The following TECPR2 variants were observed in gnomAD, a reference collection of about 807,000 sequenced individuals.
TECPR2 encodes tectonin beta-propeller repeat containing 2, also known as tectonin beta-propeller repeat-containing protein 2.
A neutral mutation model predicts 138.1 loss-of-function variants in TECPR2; 65 were observed. The observed-to-expected ratio is 0.47, with a 90% CI of 0.39 to 0.58. The LOEUF (loss-of-function observed/expected upper bound fraction) is 0.58, where lower values mean the gene tolerates loss of function less well. Ranked by LOEUF, TECPR2 falls within the 20% of genes least tolerant of loss-of-function variation. The probability of loss-of-function intolerance (pLI) is 0.00; values close to 1 mark genes in which losing one functional copy is unlikely to be tolerated. For synonymous variants in TECPR2, 746 were observed against 749.8 expected, an observed-to-expected ratio of 0.99 and a Z score of 0.08; for missense variants, 1,553 against 1,824.5, an observed-to-expected ratio of 0.85 and a Z score of 2.71.
In TECPR2 at chr14:102,435,073, C is replaced by T. The variant is rs746712279; in HGVS notation, c.2256C>T (p.Ser752=). Residue 752 remains serine (S), a synonymous_variant, in exon 9 of 20, where the codon AGC becomes AGT. Transcript: ENST00000359520. ...CACGGGATCAGACATTGACGTCCAG[C>T]GATGAGGAGGACATCTATGCCCACG... ...QPPRDQTLTS[S]DEEDIYAHGL... 1.5e-5 allele frequency: 24 copies of T among 1,613,978 alleles called. No homozygotes were observed. The highest frequency in any genetic ancestry group is 6.7e-5 in the East Asian group (3 of 44,876).
chr14:102,463,787 G>A (rs1890477566), intron 16 of TECPR2, among the ~76,000 whole-genome samples: 1 of 151,758 alleles, frequency 6.6e-6, no homozygotes, highest in Non-Finnish European at 1.5e-5. Context: ...AGCTGGGCGT[G>A]GTGGCACGCG....
chr14:102,439,451 A>C (rs1889771447), intron 10 of TECPR2, among the ~76,000 whole-genome samples: 1 of 152,084 alleles, frequency 6.6e-6, no homozygotes, highest in Non-Finnish European at 1.5e-5. Context: ...ATTTTTCTTT[A>C]GAGACTGGCT....
At chr14:102,476,375 A>G (rs1024455548) in intron 17 of TECPR2, among the ~76,000 whole-genome samples, 4 of 142,594 alleles carry the variant, frequency 2.8e-5, no homozygotes, top group Non-Finnish European at 4.6e-5. Flanking sequence ...CTAAAAAAAA[A>G]AAAAAACAAC....
chr14:102,443,940 C>T lies in TECPR2; in HGVS notation c.2933+113C>T, dbSNP rs1258766492. 4 of 1,047,182 alleles carry T rather than the reference C, an allele frequency of 3.8e-6. No individual in the cohort carries two copies. Among genetic ancestry groups the T allele is most frequent in the African/African-American group, 1.6e-5 (1 of 62,726 alleles). 64.9% of individuals were successfully genotyped at this position (1,047,182 alleles called of 1,614,324 possible). A position where few individuals can be genotyped will look rare whatever the true frequency, so the allele number is the denominator to read the frequency against. ...GTTCCTGGGAGGCAGCACCTGCAGCCTCCATGGCTATAGGCTAAGCTTGAA... is the reference window on the plus strand; with the variant it reads ...GTTCCTGGGAGGCAGCACCTGCAGCTTCCATGGCTATAGGCTAAGCTTGAA... On this transcript the variant is annotated intron_variant, in intron 12 of 19. Transcript: ENST00000359520. This position sits in a 1 kb window ranked among gnomAD's most constrained non-coding sequence, Gnocchi z 4.9.
In TECPR2 at chr14:102,362,946, T is replaced by C. The variant is rs1412364538; in HGVS notation, c.-243T>C. ...CGTCCGCCCCGCCCGCTGCCACTTG[T>C]GGCTCTGCCGCTCTAGCCCCCGGCG... is the stretch of plus-strand genomic sequence containing the variant. On this transcript the variant is annotated 5_prime_UTR_variant, in exon 1 of 20. Coordinates refer to ENST00000359520, the MANE Select transcript of TECPR2 (RefSeq NM_014844.5). 4.6e-6 allele frequency: 7 copies of C among 1,512,934 alleles called. No homozygotes were observed. The highest frequency in any genetic ancestry group is 3.5e-5 in the South Asian group (3 of 85,662). The allele number at this position is 1,512,934 out of a possible 1,614,324, so 93.7% of individuals were successfully genotyped here.
Position 102,431,870 on chromosome 14 carries a change from A to ACAGTTT in TECPR2, c.1161_1166dup (p.Val388_Ser389dup). On this transcript the variant is annotated inframe_insertion, in exon 8 of 20. Transcript: ENST00000359520. ...GCAAGCGGAGAAGCTGCCAGGGGCC[A>ACAGTTT]CAGTTTCTGAGACGAGGCTCAGAGG... 6.2e-7 allele frequency: 1 copy of ACAGTTT among 1,603,582 alleles called. No homozygotes were observed. Among genetic ancestry groups the ACAGTTT allele is most frequent in the Non-Finnish European group, 8.5e-7 (1 of 1,171,316 alleles).
chr14:102,436,475 A>G (rs1889675505), intron 9 of TECPR2, among the ~76,000 whole-genome samples: 1 of 152,038 alleles, frequency 6.6e-6, no homozygotes, highest in Admixed American at 6.5e-5. Context: ...ATGTGCCACC[A>G]TGCCCAGCTA....
rs2139752492 is a variant in TECPR2 at position 102,450,633 on chromosome 14, A to T, written c.3390A>T (p.Ala1130=). 6.2e-7 allele frequency: 1 copy of T among 1,614,126 alleles called. No homozygotes were observed. The highest frequency in any genetic ancestry group is 8.5e-7 in the Non-Finnish European group (1 of 1,179,998). ...AATGGGCCTTTGTGTTGGCTTCTGCAGCTCCCACGAAGGAAGGTGGGTCAG... is the reference window on the plus strand; with the variant it reads ...AATGGGCCTTTGTGTTGGCTTCTGCTGCTCCCACGAAGGAAGGTGGGTCAG... ...ATKWAFVLAS[A]APTKEGSFLW... Residue 1130 remains alanine, a synonymous_variant, in exon 15 of 20, where the codon GCA becomes GCT. Coordinates refer to ENST00000359520, the MANE Select transcript of TECPR2 (RefSeq NM_014844.5).
chr14:102,393,295 T>G (rs2139677135), intron 2 of TECPR2, among the ~76,000 whole-genome samples: 1 of 152,330 alleles, frequency 6.6e-6, no homozygotes, highest in South Asian at 2.1e-4. Flanking sequence ...GAGGGGTGTT[T>G]TGGGATAGCT....
intron 10 of TECPR2, among the ~76,000 whole-genome samples, chr14:102,439,873 C>T (rs1293974157): frequency 6.6e-6 from 1 of 152,204 alleles, no homozygotes; most frequent in Non-Finnish European, 1.5e-5. Context: ...TTCCTCTCTC[C>T]TCCTCCATCT....
intron 12 of TECPR2, among the ~76,000 whole-genome samples, chr14:102,444,365 G>C (rs1208709376): frequency 1.3e-5 from 2 of 151,842 alleles, no homozygotes; most frequent in African/African-American, 4.8e-5. Context: ...GCTAATTTTT[G>C]TATTTTTTGT....
chr14:102,476,206 C>CAA (rs58293049), intron 17 of TECPR2, among the ~76,000 whole-genome samples: 112 of 59,612 alleles, frequency 1.9e-3, no homozygotes, highest in African/African-American at 4.1e-3. Flanking sequence ...GACTCTGTCT[C>CAA]AAAAAAAAAA....
At chr14:102,461,671 T>C (rs1890414803) in intron 16 of TECPR2, among the ~76,000 whole-genome samples, 1 of 152,220 alleles carries the variant, frequency 6.6e-6, no homozygotes, top group Non-Finnish European at 1.5e-5. Context: ...AAGCTGGCCC[T>C]GCATCTGTCC....
Position 102,450,556 on chromosome 14 carries a change from C to G in TECPR2, c.3317-4C>G, listed in dbSNP as rs1198329741. The G allele has an allele frequency of 6.2e-7, 1 of 1,614,016 alleles. No individual in the cohort carries two copies. Among genetic ancestry groups the G allele is most frequent in the Non-Finnish European group, 8.5e-7 (1 of 1,179,868 alleles). ...AACACATTCTTCCTATTTACTCTTTCCAGGCACCTACTGGAATCATGTGGT... is the reference window on the plus strand; with the variant it reads ...AACACATTCTTCCTATTTACTCTTTGCAGGCACCTACTGGAATCATGTGGT... On this transcript the variant is annotated splice_region_variant and splice_polypyrimidine_tract_variant and intron_variant, in intron 14 of 19. Coordinates refer to ENST00000359520, the MANE Select transcript of TECPR2 (RefSeq NM_014844.5).
chr14:102,466,992 A>C (rs1455048426), intron 17 of TECPR2, among the ~76,000 whole-genome samples: 4 of 152,168 alleles, frequency 2.6e-5, no homozygotes, highest in Non-Finnish European at 5.9e-5. Flanking sequence ...TAGGTGTATC[A>C]GTTCTTAATT....
chr14:102,379,710 A>G (rs1455824683), intron 2 of TECPR2, among the ~76,000 whole-genome samples: 2 of 135,820 alleles, frequency 1.5e-5, no homozygotes, highest in Non-Finnish European at 3.3e-5. Context: ...TCACCATCTT[A>G]AAATCCATGC....
At chr14:102,436,968 A>G in intron 9 of TECPR2, 1 of 984,500 alleles carries the variant, frequency 1.0e-6, no homozygotes, top group Non-Finnish European at 1.2e-6. Flanking sequence ...CTTAGGTGAC[A>G]GGGATCCTGG....
intron 2 of TECPR2, among the ~76,000 whole-genome samples, chr14:102,406,551 A>C (rs1356228784): frequency 6.6e-6 from 1 of 151,748 alleles, no homozygotes; most frequent in Non-Finnish European, 1.5e-5. Context: ...TCTCAAAAAA[A>C]AATTAAAATT....
chr14:102,460,861 AT>A (rs1411450975), intron 16 of TECPR2, among the ~76,000 whole-genome samples: 3 of 151,230 alleles, frequency 2.0e-5, no homozygotes, highest in Non-Finnish European at 4.4e-5. Flanking sequence ...TGCCCAGCTA[AT>A]TTTTTTGTAT....
Sources: gnomAD v4.1 joint callset for allele counts (sites outside exome capture counted in the v4.1 genomes callset) on GRCh38, gnomAD v4.1.1 for gene constraint, Gnocchi (gnomAD v3.1) non-coding constraint, MANE v1.5 for transcripts, NCBI Gene and HGNC (gene_info 2026-07-23, HGNC 2026-07-21) for gene names.